Variants in D2HGDH observed in about 807,000 individuals in gnomAD.
The protein encoded by D2HGDH is D-2-hydroxyglutarate dehydrogenase, mitochondrial.
A neutral mutation model predicts 46.9 loss-of-function variants in D2HGDH; 31 were observed. The observed-to-expected ratio is 0.66, with a 90% CI of 0.50 to 0.89. The LOEUF (loss-of-function observed/expected upper bound fraction) is 0.89. Among genes scored for constraint, D2HGDH ranks in the 40% least tolerant of loss-of-function variants. The probability of loss-of-function intolerance (pLI) is 0.00; values close to 1 mark genes in which losing one functional copy is unlikely to be tolerated. For synonymous variants in D2HGDH, 364 were observed against 332.6 expected, an observed-to-expected ratio of 1.09 and a Z score of -1.03; for missense variants, 698 against 720.8, an observed-to-expected ratio of 0.97 and a Z score of 0.36.
chr2:241,754,213 G>A (rs982962257), intron 8 of D2HGDH, among the ~76,000 whole-genome samples: 6 of 152,204 alleles, frequency 3.9e-5, no homozygotes, highest in South Asian at 4.1e-4. Context: ...ACAGGCAGCC[G>A]ATGCCCGCCA....
At chr2:241,741,508 T>A (rs1284129561) in intron 3 of D2HGDH, among the ~76,000 whole-genome samples, 1 of 145,754 alleles carries the variant, frequency 6.9e-6, no homozygotes, top group African/African-American at 2.6e-5. Flanking sequence ...GCTTGCTGTC[T>A]CCAGGGTTTA....
Position 241,742,653 on chromosome 2 carries a change from G to T in D2HGDH, c.490+79G>T. 6.3e-7 allele frequency: 1 copy of T among 1,577,690 alleles called. No homozygotes were observed. The highest frequency in any genetic ancestry group is 8.7e-7 in the Non-Finnish European group (1 of 1,148,098). ...TTCTTCCTTGCCAGCGTCTGCAACT[G>T]TGGGGTGCTTGGGTGGGTGAATGAG... On this transcript the variant is annotated intron_variant, in intron 4 of 9. Coordinates refer to ENST00000321264, the MANE Select transcript of D2HGDH (RefSeq NM_152783.5). The surrounding 1 kb of genome is among the most constrained non-coding windows in gnomAD (Gnocchi z 4.8).
chr2:241,751,528 A>G (rs1176110635), intron 8 of D2HGDH, 140 bp downstream of exon 8: 17 of 1,316,850 alleles, frequency 1.3e-5, no homozygotes, highest in Non-Finnish European at 1.8e-5. Flanking sequence ...TGGCTTTGAG[A>G]GAGTAGCCTC....
rs139238068 is a variant in D2HGDH, at chr2:241,736,085, G to C, written c.292+569G>C. ...CAACAACCCAAGTTTGCCTGGCGCA[G>C]TGGCTCTGCCTGTAATCTCAGCTGC... On this transcript the variant is annotated intron_variant, in intron 2 of 9. Coordinates refer to ENST00000321264, the MANE Select transcript of D2HGDH (RefSeq NM_152783.5). The C allele has an allele frequency of 8.3e-3, 1,297 of 156,500 alleles. 55 individuals are homozygous for C. Among genetic ancestry groups the C allele is most frequent in the East Asian group, 0.05 (263 of 5,234 alleles). The allele number at this position is 156,500 out of a possible 1,614,324, so 9.7% of individuals were successfully genotyped here.
chr2:241,751,264 T>G lies in D2HGDH; in HGVS notation c.1016T>G (p.Leu339Arg), dbSNP rs1437452638. Residue 339 changes from leucine (L) to arginine (R), a missense_variant, in exon 8 of 10, where the codon CTC becomes CGC. Coordinates refer to ENST00000321264, the MANE Select transcript of D2HGDH (RefSeq NM_152783.5). ...CTTCTAGAGAGTCCGTTTTACGTCC[T>G]CATCGAGACTTCAGGCTCCAACGCA... is the stretch of plus-strand genomic sequence containing the variant. ...SPVQESPFYV[L>R]IETSGSNAGH... 1.2e-6 allele frequency: 2 copies of G among 1,614,042 alleles called. No individual in the cohort carries two copies. Among genetic ancestry groups the G allele is most frequent in the East Asian group, 2.2e-5 (1 of 44,886 alleles).
intron 9 of D2HGDH, among the ~76,000 whole-genome samples, chr2:241,758,503 A>T (rs1356396339): frequency 3.9e-5 from 6 of 152,040 alleles, no homozygotes; most frequent in Non-Finnish European, 1.5e-5. Context: ...TGGTGGGGAC[A>T]GGGTCTCGCT....
rs1012266682 is a variant in D2HGDH, at chr2:241,735,186, C to T, written c.-39C>T. 1.9e-5 allele frequency: 29 copies of T among 1,490,420 alleles called. No individual in the cohort carries two copies. In the African/African-American group the frequency reaches 2.3e-4, roughly 12 times the overall value. The allele number at this position is 1,490,420 out of a possible 1,614,324, so 92.3% of individuals were successfully genotyped here. ...CCCTCCGGGCCCTGAGTACCGGCCC[C>T]CCACCAAGGAGGAGCCCGAGGTCTC... is the stretch of plus-strand genomic sequence containing the variant. On this transcript the variant is annotated 5_prime_UTR_variant, in exon 2 of 10. Transcript: ENST00000321264.
At chr2:241,744,020 G>T (rs1416313727) in intron 5 of D2HGDH, among the ~76,000 whole-genome samples, 3 of 152,204 alleles carry the variant, frequency 2.0e-5, no homozygotes, top group African/African-American at 7.2e-5. Context: ...CCACGAGAGG[G>T]TGATTTTGTG....
chr2:241,735,434 T>C lies in D2HGDH; in HGVS notation c.210T>C (p.Phe70=). 1 of 1,609,370 alleles carries C rather than the reference T, an allele frequency of 6.2e-7. No homozygotes were observed. Among genetic ancestry groups the C allele is most frequent in the Non-Finnish European group, 8.5e-7 (1 of 1,179,408 alleles). Residue 70 remains phenylalanine, a synonymous_variant, in exon 2 of 10, where the codon TTT becomes TTC. Transcript: ENST00000321264. ...STVSKQDLAA[F]ERIVPGGVVT... is the part of the protein sequence containing the mutation. ...TGTCTAAGCAGGACCTGGCCGCCTT[T>C]GAGCGCATCGTGCCCGGCGGGGTCG... is the stretch of plus-strand genomic sequence containing the variant.
intron 9 of D2HGDH, among the ~76,000 whole-genome samples, chr2:241,756,432 CA>C (rs1173524122): frequency 6.6e-6 from 1 of 152,234 alleles, no homozygotes; most frequent in African/African-American, 2.4e-5. Flanking sequence ...GGGAGGATTT[CA>C]AAACCACGTT....
At chr2:241,741,506 TC>T (rs1694447083) in intron 3 of D2HGDH, among the ~76,000 whole-genome samples, 1 of 146,682 alleles carries the variant, frequency 6.8e-6, no homozygotes, top group African/African-American at 2.6e-5. Flanking sequence ...GGGCTTGCTG[TC>T]TCCAGGGTTT....
At chr2:241,735,930 T>C (rs1260079259) in intron 2 of D2HGDH, 2 of 234,142 alleles carry the variant, frequency 8.5e-6, no homozygotes, top group Non-Finnish European at 1.7e-5. Context: ...GTTCCGCTAA[T>C]TTTTGTATTT....
In D2HGDH at chr2:241,749,093, G is replaced by A. The variant is rs563642805; in HGVS notation, c.854-1058G>A. 6 of 1,001,390 alleles carry A rather than the reference G, an allele frequency of 6.0e-6. No individual in the cohort carries two copies. The African/African-American group carries it at 1.1e-4, about 18-fold the overall frequency. 62.0% of individuals were successfully genotyped at this position (1,001,390 alleles called of 1,614,324 possible). On this transcript the variant is annotated intron_variant, in intron 6 of 9. Transcript: ENST00000321264. ...AGTCAGCCCTGGCTCCTGCTCTCCTGCAGCTGGGGCGACTTCCGACGAGGC... is the reference window on the plus strand; with the variant it reads ...AGTCAGCCCTGGCTCCTGCTCTCCTACAGCTGGGGCGACTTCCGACGAGGC...
At chr2:241,749,408 G>A (rs1696700992) in intron 6 of D2HGDH, 2 of 1,247,378 alleles carry the variant, frequency 1.6e-6, no homozygotes, top group South Asian at 1.4e-5. Flanking sequence ...AGGTGGGCAC[G>A]GGCCCCCTCC....
chr2:241,746,672 G>A (rs113682215), intron 6 of D2HGDH, among the ~76,000 whole-genome samples: 1 of 151,970 alleles, frequency 6.6e-6, no homozygotes, highest in African/African-American at 2.4e-5. Context: ...GGTGGATCAC[G>A]AGGTCAGGAG....
chr2:241,763,455 C>T (rs774090800), intron 9 of D2HGDH, among the ~76,000 whole-genome samples: 8 of 152,004 alleles, frequency 5.3e-5, no homozygotes, highest in African/African-American at 7.3e-5. Context: ...GTGCCCATCA[C>T]GAGTGGGTCT....
chr2:241,746,226 A>C (rs1312370055), intron 6 of D2HGDH, among the ~76,000 whole-genome samples: 1 of 151,868 alleles, frequency 6.6e-6, no homozygotes, highest in Non-Finnish European at 1.5e-5. Flanking sequence ...CCATATTGTC[A>C]TCATCGTGTC....
chr2:241,740,487 C>T (rs1365002748), intron 2 of D2HGDH, among the ~76,000 whole-genome samples: 1 of 152,212 alleles, frequency 6.6e-6, no homozygotes, highest in African/African-American at 2.4e-5. Context: ...GCACACTGTG[C>T]CCAGTGCCCG....
intron 7 of D2HGDH, among the ~76,000 whole-genome samples, chr2:241,750,595 T>C (rs973159857): frequency 5.9e-5 from 9 of 152,212 alleles, no homozygotes; most frequent in Admixed American, 2.0e-4. Context: ...CTGGGAGACT[T>C]TCTTTCCATT....
Sources: allele counts gnomAD v4.1 joint callset (sites outside exome capture counted in the v4.1 genomes callset), GRCh38; gene constraint gnomAD v4.1.1; non-coding constraint Gnocchi (gnomAD v3.1); transcripts MANE v1.5; gene names NCBI Gene and HGNC (gene_info 2026-07-23, HGNC 2026-07-21).